The following DHRS7B variants were observed in gnomAD, a reference collection of about 807,000 sequenced individuals.
The protein encoded by DHRS7B is peroxisomal reductase activating PPAR-gamma.
DHRS7B carries 24 observed loss-of-function variants against 26.4 expected under a neutral mutation model. The observed-to-expected ratio is 0.91, with a 90% CI of 0.66 to 1.28. The LOEUF (loss-of-function observed/expected upper bound fraction) is 1.28. DHRS7B is among the 50% of genes most tolerant of loss of function. The pLI, the probability that DHRS7B is intolerant of heterozygous loss-of-function variation, is 0.00. For synonymous variants in DHRS7B, 142 were observed against 166.4 expected (o/e 0.85, Z 1.13); for missense variants, 368 against 419.4 (o/e 0.88, Z 1.07).
At chr17:21,144,821 A>AT (rs1567618246) in intron 1 of DHRS7B, among the ~76,000 whole-genome samples, 1 of 151,904 alleles carries the variant, frequency 6.6e-6, no homozygotes, top group African/African-American at 2.4e-5. Flanking sequence ...CTATCTCAAA[A>AT]AATAATAATA....
chr17:21,174,190 A>G (rs1436018395), intron 2 of DHRS7B, among the ~76,000 whole-genome samples: 1 of 152,194 alleles, frequency 6.6e-6, no homozygotes, highest in Non-Finnish European at 1.5e-5. Flanking sequence ...AGGCAGAGCT[A>G]TGTTGTCCTC....
chr17:21,129,128 A>G (rs1973171296), intron 1 of DHRS7B, among the ~76,000 whole-genome samples: 1 of 152,230 alleles, frequency 6.6e-6, no homozygotes, highest in Non-Finnish European at 1.5e-5. Flanking sequence ...TTGCTTATAA[A>G]TCTAGCAAGG....
intron 1 of DHRS7B, among the ~76,000 whole-genome samples, chr17:21,152,633 A>G (rs1481625068): frequency 2.1e-5 from 3 of 140,588 alleles, no homozygotes; most frequent in South Asian, 2.4e-4. Context: ...AGGGAGGGGA[A>G]AAAAAATCAT....
Position 21,164,763 on chromosome 17 carries a change from G to A in DHRS7B, c.21-7255G>A, listed in dbSNP as rs145691688. Among the ~76,000 whole-genome samples the A allele has an allele frequency of 3.1e-3, 472 of 152,234 alleles. 1 individual carries two copies. Among genetic ancestry groups the A allele is most frequent in the Non-Finnish European group, 4.2e-3 (283 of 68,016 alleles). Reference sequence around the variant, plus strand: ...TGAGGTCAGACAGCTTTTCTCCTTCGTTCATTGCCCTCCACCCCAGCCCTA... The same window carrying A: ...TGAGGTCAGACAGCTTTTCTCCTTCATTCATTGCCCTCCACCCCAGCCCTA... On this transcript the variant is annotated intron_variant, in intron 1 of 6. Coordinates refer to ENST00000395511, the MANE Select transcript of DHRS7B (RefSeq NM_015510.5).
Position 21,191,285 on chromosome 17 carries a change from C to A in DHRS7B, c.*132C>A. The A allele has an allele frequency of 1.1e-6, 1 of 927,166 alleles. No individual in the cohort carries two copies. Among genetic ancestry groups the A allele is most frequent in the Non-Finnish European group, 1.6e-6 (1 of 613,824 alleles). The allele number at this position is 927,166 out of a possible 1,614,324, so 57.4% of individuals were successfully genotyped here. On this transcript the variant is annotated 3_prime_UTR_variant, in exon 7 of 7. Coordinates refer to ENST00000395511, the MANE Select transcript of DHRS7B (RefSeq NM_015510.5). ...AGTGGGAAAGACTGAAGAAACACAT[C>A]TCGTGCAGATCTGCTGGCAGAGGAC...
intron 4 of DHRS7B, 36 bp from the exon 5 acceptor site, chr17:21,184,335 T>G: frequency 1.9e-6 from 3 of 1,574,310 alleles, no homozygotes; most frequent in Non-Finnish European, 2.6e-6. Flanking sequence ...TGACTGGAAG[T>G]AGGGCGCTTG....
At chr17:21,184,238 T>G (rs1221272058) in intron 4 of DHRS7B, 133 bp from the exon 5 acceptor site, 12 of 743,418 alleles carry the variant, frequency 1.6e-5, no homozygotes, top group Non-Finnish European at 2.4e-5. Context: ...TCCAACATAG[T>G]CCTCTACCCT....
chr17:21,188,307 A>C (rs1224131504), intron 5 of DHRS7B, among the ~76,000 whole-genome samples: 1 of 152,154 alleles, frequency 6.6e-6, no homozygotes, highest in Non-Finnish European at 1.5e-5. Context: ...TTTATAATAT[A>C]TATAAAACTA....
At chr17:21,131,153 A>G (rs1973221864) in intron 1 of DHRS7B, among the ~76,000 whole-genome samples, 1 of 152,244 alleles carries the variant, frequency 6.6e-6, no homozygotes, top group Non-Finnish European at 1.5e-5. Flanking sequence ...ATTTGAGGCC[A>G]ATCCATAGAG....
intron 1 of DHRS7B, among the ~76,000 whole-genome samples, chr17:21,130,642 C>T (rs1297957897): frequency 2.6e-5 from 4 of 152,004 alleles, no homozygotes; most frequent in South Asian, 4.1e-4. Context: ...GAGAAGATCT[C>T]TTTCCCTTTG....
chr17:21,147,838 T>C (rs1973674837), intron 1 of DHRS7B, among the ~76,000 whole-genome samples: 1 of 152,112 alleles, frequency 6.6e-6, no homozygotes, highest in African/African-American at 2.4e-5. Context: ...CCAAAGGAGA[T>C]GGCAAATCAT....
intron 1 of DHRS7B, among the ~76,000 whole-genome samples, chr17:21,147,543 C>T (rs190848972): frequency 5.9e-5 from 9 of 152,294 alleles, no homozygotes; most frequent in African/African-American, 1.7e-4. Context: ...GAAAAAGCTC[C>T]GAGCAGATGG....
intron 1 of DHRS7B, among the ~76,000 whole-genome samples, chr17:21,152,048 C>T (rs1329800015): frequency 6.6e-6 from 1 of 152,216 alleles, no homozygotes; most frequent in Non-Finnish European, 1.5e-5. Flanking sequence ...CTTGAGGCCT[C>T]CCCAAAAGCT....
At chr17:21,137,170 T>A (rs949736561) in intron 1 of DHRS7B, among the ~76,000 whole-genome samples, 1 of 151,674 alleles carries the variant, frequency 6.6e-6, no homozygotes, top group Non-Finnish European at 1.5e-5. Flanking sequence ...AGGGTTTCAC[T>A]ATTCTGGCCA....
At chr17:21,129,417 C>T (rs950648510) in intron 1 of DHRS7B, among the ~76,000 whole-genome samples, 1 of 151,908 alleles carries the variant, frequency 6.6e-6, no homozygotes, top group African/African-American at 2.4e-5. Context: ...CTTAAAGACC[C>T]CTGTGAGGCT....
intron 1 of DHRS7B, among the ~76,000 whole-genome samples, chr17:21,132,575 G>A (rs114984388): frequency 6.7e-6 from 1 of 149,910 alleles, no homozygotes; most frequent in East Asian, 2.0e-4. Context: ...GAAGTGAGGT[G>A]TAGAAAGAGC....
chr17:21,182,315 C>G (rs1212933355), intron 3 of DHRS7B, among the ~76,000 whole-genome samples: 1 of 151,576 alleles, frequency 6.6e-6, no homozygotes, highest in Non-Finnish European at 1.5e-5. Context: ...ATGGTGCGAT[C>G]TCGGCTCACC....
intron 3 of DHRS7B, among the ~76,000 whole-genome samples, chr17:21,180,917 G>A (rs752363139): frequency 4.6e-5 from 7 of 152,078 alleles, no homozygotes; most frequent in African/African-American, 1.4e-4. Context: ...TCAACAACAC[G>A]GTCTTCCAGT....
intron 1 of DHRS7B, among the ~76,000 whole-genome samples, chr17:21,133,121 A>G (rs896081671): frequency 6.6e-6 from 1 of 152,256 alleles, no homozygotes; most frequent in Non-Finnish European, 1.5e-5. Context: ...TGTCTGGCAC[A>G]TTGCAAATAC....
Sources: allele counts gnomAD v4.1 joint callset (sites outside exome capture counted in the v4.1 genomes callset), GRCh38; gene constraint gnomAD v4.1.1; transcripts MANE v1.5; gene names NCBI Gene and HGNC (gene_info 2026-07-23, HGNC 2026-07-21).